SLC36A4: variants seen among roughly 807,000 people sequenced by gnomAD.
SLC36A4 encodes neutral amino acid uniporter 4.
In SLC36A4, 49 loss-of-function variants were observed where a neutral mutation model predicts 50.5. The ratio of observed to expected loss-of-function variants is 0.97; its 90% confidence interval spans 0.77 to 1.23. The LOEUF is 1.23. SLC36A4 is among the 50% of genes most tolerant of loss of function. The pLI, the probability that SLC36A4 is intolerant of heterozygous loss-of-function variation, is 0.00. For missense variants in SLC36A4, 611 were observed against 608.4 expected (o/e 1.00, Z -0.05); for synonymous variants, 207 against 206.5 (o/e 1.00, Z -0.02).
chr11:93,172,449 T>A (rs1861201072), intron 6 of SLC36A4, among the ~76,000 whole-genome samples: 1 of 151,976 alleles, frequency 6.6e-6, no homozygotes, highest in Non-Finnish European at 1.5e-5. Flanking sequence ...ATCATTCTTT[T>A]TTTTTTTTAA....
At chr11:93,174,601 T>C (rs1861361800) in intron 6 of SLC36A4, among the ~76,000 whole-genome samples, 1 of 145,342 alleles carries the variant, frequency 6.9e-6, no homozygotes, top group East Asian at 2.1e-4. Flanking sequence ...AGATAGCTCT[T>C]ATTATTTTGA....
Position 93,144,710 on chromosome 11 carries a change from A to G in SLC36A4, c.*3827T>C, listed in dbSNP as rs1417218778. ...CCTAGTAAGTGCCAATGGCATAAAC[A>G]AGACTAACCATAATGCTGCCAAAGT... On this transcript the variant is annotated 3_prime_UTR_variant, in exon 11 of 11. Transcript: ENST00000326402. 6.6e-6 allele frequency: 1 copy of G among 152,078 alleles called. No homozygotes were observed. Among genetic ancestry groups the G allele is most frequent in the Non-Finnish European group, 1.5e-5 (1 of 67,976 alleles). 9.4% of individuals were successfully genotyped at this position (152,078 alleles called of 1,614,324 possible).
At chr11:93,190,771 C>G (rs1862185607) in intron 1 of SLC36A4, among the ~76,000 whole-genome samples, 3 of 152,156 alleles carry the variant, frequency 2.0e-5, no homozygotes, top group Non-Finnish European at 4.4e-5. Flanking sequence ...CTCACTCTGT[C>G]ACCCAGGCTG....
chr11:93,179,123 G>A (rs1861623992), intron 6 of SLC36A4, among the ~76,000 whole-genome samples: 1 of 152,138 alleles, frequency 6.6e-6, no homozygotes, highest in Admixed American at 6.5e-5. Flanking sequence ...TCAAACAAAA[G>A]GATTAAACCC....
intron 6 of SLC36A4, among the ~76,000 whole-genome samples, chr11:93,176,946 G>A (rs1015306644): frequency 2.0e-5 from 3 of 151,990 alleles, no homozygotes; most frequent in Non-Finnish European, 2.9e-5. Context: ...TGCTCTTCTC[G>A]AGGTGTTACC....
chr11:93,146,422 A>G lies in SLC36A4; in HGVS notation c.*2115T>C, dbSNP rs190843024. On this transcript the variant is annotated 3_prime_UTR_variant, in exon 11 of 11. Transcript: ENST00000326402. ...TTTCAGTGAAGATTCGTTTTCCTAT[A>G]ACTTCTTCTGCATTCTCTTAGTATG... 854 of 152,136 alleles carry G rather than the reference A, an allele frequency of 5.6e-3. 8 individuals are homozygous for G. Among genetic ancestry groups the G allele is most frequent in the African/African-American group, 0.02 (811 of 41,558 alleles). 9.4% of individuals were successfully genotyped at this position (152,136 alleles called of 1,614,324 possible).
Position 93,172,445 on chromosome 11 carries a change from C to CT in SLC36A4, c.541-4275dup, listed in dbSNP as rs760112270. 3.0e-3 allele frequency among the ~76,000 whole-genome samples: 426 copies of CT among 143,352 alleles called. 4 individuals carry two copies. Among genetic ancestry groups the CT allele is most frequent in the South Asian group, 4.5e-3 (20 of 4,472 alleles). The allele number at this position is 143,352 out of a possible 152,430, so 94.0% of individuals were successfully genotyped here. A position where few individuals can be genotyped will look rare whatever the true frequency, so the allele number is the denominator to read the frequency against. On this transcript the variant is annotated intron_variant, in intron 6 of 10. Coordinates refer to ENST00000326402, the MANE Select transcript of SLC36A4 (RefSeq NM_152313.4). ...AGTCCCCAAAGTCCACTGTATCATT[C>CT]TTTTTTTTTTTTAATTATACTTTAA...
intron 10 of SLC36A4, among the ~76,000 whole-genome samples, chr11:93,149,597 G>A (rs1859983347): frequency 6.6e-6 from 1 of 151,972 alleles, no homozygotes; most frequent in African/African-American, 2.4e-5. Flanking sequence ...ACCTAATCAT[G>A]AGAAAGCATC....
chr11:93,157,774 A>G (rs1475061749), intron 9 of SLC36A4, among the ~76,000 whole-genome samples: 1 of 152,176 alleles, frequency 6.6e-6, no homozygotes, highest in Non-Finnish European at 1.5e-5. Context: ...TGGGCTTACT[A>G]TGGGGTTTTC....
intron 1 of SLC36A4, among the ~76,000 whole-genome samples, chr11:93,191,236 T>C (rs1862204302): frequency 6.6e-6 from 1 of 152,196 alleles, no homozygotes; most frequent in African/African-American, 2.4e-5. Context: ...GTATACACTA[T>C]AGAAAAATGC....
intron 1 of SLC36A4, among the ~76,000 whole-genome samples, chr11:93,195,769 G>A (rs1862393834): frequency 6.6e-6 from 1 of 152,148 alleles, no homozygotes; most frequent in Admixed American, 6.6e-5. Context: ...GCCTGGAGTA[G>A]TCGTTCCCCA....
At chr11:93,187,150 C>T (rs1862020558) in intron 1 of SLC36A4, among the ~76,000 whole-genome samples, 1 of 120,520 alleles carries the variant, frequency 8.3e-6, no homozygotes, top group Non-Finnish European at 2.1e-5. Context: ...AAATGCTGTT[C>T]CACTTTTGCC....
chr11:93,183,994 G>A (rs1035509258), intron 3 of SLC36A4, among the ~76,000 whole-genome samples: 10 of 152,112 alleles, frequency 6.6e-5, no homozygotes, highest in East Asian at 3.9e-4. Context: ...TACCGCACCC[G>A]GCCAACTTTT....
chr11:93,194,489 T>C (rs1448538273), intron 1 of SLC36A4, among the ~76,000 whole-genome samples: 2 of 152,204 alleles, frequency 1.3e-5, no homozygotes, highest in Admixed American at 6.5e-5. Flanking sequence ...TGAAATAAAG[T>C]GCAGACCTTA....
At chr11:93,164,566 T>C (rs1205581720) in intron 8 of SLC36A4, among the ~76,000 whole-genome samples, 4 of 152,294 alleles carry the variant, frequency 2.6e-5, no homozygotes, top group African/African-American at 9.6e-5. Context: ...GTCAGTTCCA[T>C]ATGGAAACAT....
rs1012924791 is a variant in SLC36A4 at position 93,146,452 on chromosome 11, A to G, written c.*2085T>C. On this transcript the variant is annotated 3_prime_UTR_variant, in exon 11 of 11. Transcript: ENST00000326402. Reference sequence around the variant, plus strand: ...CTTCTGCATTCTCTTAGTATGACTAAAGGCTCAGTGTAACAGAATTGATAT... The same window carrying G: ...CTTCTGCATTCTCTTAGTATGACTAGAGGCTCAGTGTAACAGAATTGATAT... The G allele has an allele frequency of 6.6e-5, 10 of 152,002 alleles. No individual in the cohort carries two copies. The highest frequency in any genetic ancestry group is 1.2e-4 in the Non-Finnish European group (8 of 67,934). The allele number at this position is 152,002 out of a possible 1,614,324, so 9.4% of individuals were successfully genotyped here.
intron 6 of SLC36A4, among the ~76,000 whole-genome samples, chr11:93,173,013 A>G (rs1337700807): frequency 6.8e-6 from 1 of 146,812 alleles, no homozygotes; most frequent in African/African-American, 2.5e-5. Flanking sequence ...TCCCTGAGGA[A>G]TCGCCACACT....
intron 4 of SLC36A4, 91 bp downstream of exon 4, chr11:93,182,715 G>T: frequency 1.2e-6 from 1 of 853,770 alleles, no homozygotes; most frequent in Non-Finnish European, 1.8e-6. Context: ...AAGCTTAAAC[G>T]AAATACAAAG....
chr11:93,159,282 T>A (rs1860513603), intron 9 of SLC36A4, among the ~76,000 whole-genome samples: 1 of 152,174 alleles, frequency 6.6e-6, no homozygotes, highest in African/African-American at 2.4e-5. Flanking sequence ...AATGTTCCAG[T>A]GAAAATATTA....
Sources: gnomAD v4.1 joint callset for allele counts (sites outside exome capture counted in the v4.1 genomes callset) on GRCh38, gnomAD v4.1.1 for gene constraint, MANE v1.5 for transcripts, NCBI Gene and HGNC (gene_info 2026-07-23, HGNC 2026-07-21) for gene names.